The following ANKRD13A variants were observed in gnomAD, a reference collection of about 807,000 sequenced individuals.
The protein encoded by ANKRD13A is ankyrin repeat domain-containing protein 13A.
ANKRD13A carries 48 observed loss-of-function variants against 81.3 expected under a neutral mutation model. That is an observed-to-expected ratio of 0.59 (90% CI 0.47 to 0.75). The LOEUF (loss-of-function observed/expected upper bound fraction) is 0.75. ANKRD13A is among the 30% of genes least tolerant of loss of function. The pLI is 0.00. For synonymous variants in ANKRD13A, 230 were observed against 270.1 expected (o/e 0.85, Z 1.45); for missense variants, 612 against 734.0 (o/e 0.83, Z 1.92).
At position 110,018,888 on chromosome 12, in the gene ANKRD13A, A is replaced by G. The variant is rs1890929647; in HGVS notation, c.545-251A>G. Reference sequence around the variant, plus strand: ...AGGACATTGATGGAATATATTGCTAATAAGAATGCAGATTATTAAGAAAAA... The same window carrying G: ...AGGACATTGATGGAATATATTGCTAGTAAGAATGCAGATTATTAAGAAAAA... On this transcript the variant is annotated intron_variant, in intron 5 of 14. Coordinates refer to ENST00000261739, the MANE Select transcript of ANKRD13A (RefSeq NM_033121.2). The surrounding 1 kb of genome is among the most constrained non-coding windows in gnomAD (Gnocchi z 4.4). 6.6e-6 allele frequency among the ~76,000 whole-genome samples: 1 copy of G among 152,252 alleles called. No individual in the cohort carries two copies. The highest frequency in any genetic ancestry group is 1.5e-5 in the Non-Finnish European group (1 of 68,036).
chr12:109,999,757 G>A lies in ANKRD13A; in HGVS notation c.69G>A (p.Arg23=), dbSNP rs1433431086. 1 of 1,531,354 alleles carries A rather than the reference G, an allele frequency of 6.5e-7. No homozygotes were observed. Among genetic ancestry groups the A allele is most frequent in the African/African-American group, 1.4e-5 (1 of 71,692 alleles). The allele number at this position is 1,531,354 out of a possible 1,614,324, so 94.9% of individuals were successfully genotyped here. ...TCCTAGTCTGGAAAAACGACTACCGGCAGCTCGAGAAGGAGCTGCAGGGCC... is the reference window on the plus strand; with the variant it reads ...TCCTAGTCTGGAAAAACGACTACCGACAGCTCGAGAAGGAGCTGCAGGGCC... ...LHLLVWKNDY[R]QLEKELQGQN... The change falls in exon 1 of 15, where the codon CGG becomes CGA. Residue 23 remains arginine, a synonymous_variant. Transcript: ENST00000261739. This position sits in a 1 kb window ranked among gnomAD's most constrained non-coding sequence, Gnocchi z 4.3.
intron 6 of ANKRD13A, 147 bp downstream of exon 6, chr12:110,019,475 A>G: frequency 7.1e-6 from 5 of 706,758 alleles, no homozygotes; most frequent in Non-Finnish European, 8.5e-6. Context: ...TTGATCTCTA[A>G]CCAGTAGAAA....
At chr12:110,016,482 G>A in intron 4 of ANKRD13A, 49 bp downstream of exon 4, 1 of 1,502,510 alleles carries the variant, frequency 6.7e-7, no homozygotes, top group Non-Finnish European at 9.0e-7. Flanking sequence ...AATTTACTTA[G>A]CCCGCATGTA....
chr12:110,008,740 C>T (rs1337343115), intron 1 of ANKRD13A, among the ~76,000 whole-genome samples: 3 of 152,042 alleles, frequency 2.0e-5, no homozygotes, highest in Non-Finnish European at 4.4e-5. Flanking sequence ...CATAAATTAG[C>T]CAGGTGTGGT....
At chr12:110,025,312 C>T (rs934784836) in intron 7 of ANKRD13A, among the ~76,000 whole-genome samples, 14 of 150,598 alleles carry the variant, frequency 9.3e-5, no homozygotes, top group Admixed American at 2.6e-4. Context: ...GCAGAGATCA[C>T]GCCACTGCAC....
intron 1 of ANKRD13A, among the ~76,000 whole-genome samples, chr12:110,004,621 G>A (rs1369646574): frequency 6.6e-6 from 1 of 152,098 alleles, no homozygotes; most frequent in Non-Finnish European, 1.5e-5. Flanking sequence ...ACAAGAGGGA[G>A]ACTCTGTCTC....
At chr12:110,010,357 C>A (rs565117811) in intron 1 of ANKRD13A, among the ~76,000 whole-genome samples, 1 of 152,278 alleles carries the variant, frequency 6.6e-6, no homozygotes, top group African/African-American at 2.4e-5. Flanking sequence ...ATGTAATAGA[C>A]GTGTAGGAAG....
At chr12:110,007,958 C>A (rs1890323642) in intron 1 of ANKRD13A, among the ~76,000 whole-genome samples, 1 of 152,142 alleles carries the variant, frequency 6.6e-6, no homozygotes, top group Non-Finnish European at 1.5e-5. Context: ...ATCATGTCAT[C>A]TTCCTTTCCA....
rs1259441199 is a variant in ANKRD13A at position 110,036,624 on chromosome 12, C to T, written c.1577+296C>T. Among the ~76,000 whole-genome samples, 1 of 152,152 alleles carries T rather than the reference C, an allele frequency of 6.6e-6. No individual in the cohort carries two copies. The highest frequency in any genetic ancestry group is 2.4e-5 in the African/African-American group (1 of 41,434). On this transcript the variant is annotated intron_variant, in intron 14 of 14. Transcript: ENST00000261739. The surrounding 1 kb of genome is among the most constrained non-coding windows in gnomAD (Gnocchi z 4.6). ...AAAATTAGCCGGGCATGGTGCCAGGCACCTGTAGTCTCAGCTACTCGGGAG... is the reference window on the plus strand; with the variant it reads ...AAAATTAGCCGGGCATGGTGCCAGGTACCTGTAGTCTCAGCTACTCGGGAG...
intron 8 of ANKRD13A, chr12:110,027,477 A>G: frequency 2.0e-6 from 1 of 500,016 alleles, no homozygotes; most frequent in South Asian, 2.3e-5. Context: ...GACTCTTCCC[A>G]TTATTCTGCT....
chr12:110,007,610 C>T (rs1308877165), intron 1 of ANKRD13A, among the ~76,000 whole-genome samples: 1 of 152,166 alleles, frequency 6.6e-6, no homozygotes, highest in Non-Finnish European at 1.5e-5. Context: ...GAACTCCCGA[C>T]CTCAGGTGAT....
At chr12:110,028,885 G>A (rs1431496056) in intron 10 of ANKRD13A, 4 of 364,162 alleles carry the variant, frequency 1.1e-5, no homozygotes, top group East Asian at 6.7e-5. Flanking sequence ...CTACAGGCGC[G>A]TGCCACCACG....
In ANKRD13A at chr12:110,037,651, C is replaced by T. The variant is rs1376834402; in HGVS notation, c.*97C>T. Reference sequence around the variant, plus strand: ...CCTAGGGCTAAGGGCCTGCACCTTGCGTGCATGCAGCAGGCAACAACTGCC... The same window carrying T: ...CCTAGGGCTAAGGGCCTGCACCTTGTGTGCATGCAGCAGGCAACAACTGCC... On this transcript the variant is annotated 3_prime_UTR_variant, in exon 15 of 15. Transcript: ENST00000261739. The T allele has an allele frequency of 1.5e-5, 19 of 1,266,416 alleles. No homozygotes were observed. The highest frequency in any genetic ancestry group is 2.9e-5 in the South Asian group (2 of 69,020). 78.4% of individuals were successfully genotyped at this position (1,266,416 alleles called of 1,614,324 possible).
At chr12:110,003,879 C>G (rs987005117) in intron 1 of ANKRD13A, among the ~76,000 whole-genome samples, 1 of 152,110 alleles carries the variant, frequency 6.6e-6, no homozygotes, top group Admixed American at 6.6e-5. Context: ...TTTTTTTTGG[C>G]TGGGCACGGT....
At chr12:110,000,287 C>G (rs1889885535) in intron 1 of ANKRD13A, among the ~76,000 whole-genome samples, 1 of 152,154 alleles carries the variant, frequency 6.6e-6, no homozygotes, top group South Asian at 2.1e-4. Flanking sequence ...CTCTGGCCGA[C>G]GTTAACTTAG....
rs1566066882 is a variant in ANKRD13A, at chr12:110,037,437, T to C, written c.1656T>C (p.Asn552=). Reference sequence around the variant, plus strand: ...TGAGCGAGACAAGCCGTTTTGATAATGACTTGCAGCTAGCCATGGAGCTCT... The same window carrying C: ...TGAGCGAGACAAGCCGTTTTGATAACGACTTGCAGCTAGCCATGGAGCTCT... ...SALSETSRFD[N]DLQLAMELSA... The change falls in exon 15 of 15, where the codon AAT becomes AAC. Residue 552 remains asparagine (N), a synonymous_variant. Transcript: ENST00000261739. 6.2e-7 allele frequency: 1 copy of C among 1,614,200 alleles called. No homozygotes were observed. Among genetic ancestry groups the C allele is most frequent in the East Asian group, 2.2e-5 (1 of 44,890 alleles).
Position 110,030,758 on chromosome 12 carries a change from G to A in ANKRD13A, c.1348G>A (p.Ala450Thr), listed in dbSNP as rs746922617. 1.9e-6 allele frequency: 3 copies of A among 1,558,124 alleles called. No homozygotes were observed. Among genetic ancestry groups the A allele is most frequent in the Admixed American group, 1.9e-5 (1 of 51,960 alleles). The change falls in exon 12 of 15, where the codon GCT becomes ACT. Residue 450 changes from alanine (A) to threonine (T), a missense_variant and splice_region_variant. Ala to Thr is a moderately conservative substitution (Grantham distance 58). Transcript: ENST00000261739. The stretch of plus-strand genomic sequence containing the variant: ...TGTGGAAGGGACCCAGGCTGATTCA[G>A]GTAAAAAAATAAATAAATACAAAGT... ...QNVEGTQADS[A>T]SHITNFEVDQ... is the part of the protein sequence containing the mutation.
chr12:110,014,572 A>T (rs1343780460), intron 3 of ANKRD13A, among the ~76,000 whole-genome samples: 1 of 152,096 alleles, frequency 6.6e-6, no homozygotes, highest in Non-Finnish European at 1.5e-5. Flanking sequence ...GCTGTCATTG[A>T]TGTCTTGTCT....
chr12:110,025,084 A>C (rs1045813515), intron 7 of ANKRD13A, among the ~76,000 whole-genome samples: 11 of 152,232 alleles, frequency 7.2e-5, no homozygotes, highest in African/African-American at 2.7e-4. Context: ...GGCTGGGTGC[A>C]GTGGCTCACG....
Sources: allele counts gnomAD v4.1 joint callset (sites outside exome capture counted in the v4.1 genomes callset), GRCh38; gene constraint gnomAD v4.1.1; non-coding constraint Gnocchi (gnomAD v3.1); transcripts MANE v1.5; gene names NCBI Gene and HGNC (gene_info 2026-07-23, HGNC 2026-07-21).